Variants in LAMA3 observed in about 807,000 individuals in gnomAD.
The protein encoded by LAMA3 is laminin subunit alpha 3, also known as laminin subunit alpha-3.
A neutral mutation model predicts 402.0 loss-of-function variants in LAMA3; 281 were observed. The ratio of observed to expected loss-of-function variants is 0.70; its 90% confidence interval spans 0.63 to 0.77. LAMA3 has a LOEUF of 0.77. Among genes scored for constraint, LAMA3 ranks in the 30% least tolerant of loss-of-function variants. The pLI, the probability that LAMA3 is intolerant of heterozygous loss-of-function variation, is 0.00. For synonymous variants in LAMA3, 1,431 were observed against 1,558.4 expected (o/e 0.92, Z 1.93); for missense variants, 3,840 against 4,215.5 (o/e 0.91, Z 2.47).
intron 7 of LAMA3, among the ~76,000 whole-genome samples, chr18:23,759,163 ACT>A (rs2061916705): frequency 6.6e-6 from 1 of 151,652 alleles, no homozygotes; most frequent in Non-Finnish European, 1.5e-5. Flanking sequence ...ACATAGTGAG[ACT>A]CTGTCTACAA....
chr18:23,736,944 C>T (rs1053617714), intron 2 of LAMA3, among the ~76,000 whole-genome samples: 22 of 152,144 alleles, frequency 1.4e-4, no homozygotes, highest in Non-Finnish European at 4.4e-5. Context: ...CCTCTTAAGA[C>T]CCAGACTGCA....
chr18:23,792,072 G>GA (rs1484010570), intron 12 of LAMA3, among the ~76,000 whole-genome samples: 2 of 152,130 alleles, frequency 1.3e-5, no homozygotes, highest in Non-Finnish European at 2.9e-5. Context: ...AAAGGATTAT[G>GA]AAAATGTTAG....
intron 6 of LAMA3, among the ~76,000 whole-genome samples, chr18:23,754,930 T>A (rs551858262): frequency 2.4e-4 from 36 of 152,372 alleles, no homozygotes; most frequent in Non-Finnish European, 4.0e-4. Context: ...AATTGCTAGT[T>A]CTCAAGGTCT....
chr18:23,697,348 A>G (rs1369718459), intron 1 of LAMA3, among the ~76,000 whole-genome samples: 1 of 152,154 alleles, frequency 6.6e-6, no homozygotes. Context: ...CAGTGAATGC[A>G]TTGCAATTTT....
At chr18:23,753,930 G>A in intron 6 of LAMA3, 118 bp downstream of exon 6, 1 of 750,230 alleles carries the variant, frequency 1.3e-6, no homozygotes, top group Non-Finnish European at 2.4e-6. Flanking sequence ...AATGATTCAG[G>A]ATCAATGAAT....
chr18:23,894,630 G>T (rs1394212981), intron 43 of LAMA3, among the ~76,000 whole-genome samples: 1 of 152,158 alleles, frequency 6.6e-6, no homozygotes, highest in African/African-American at 2.4e-5. Context: ...CACAATGCCT[G>T]GTAAATTGCA....
intron 68 of LAMA3, among the ~76,000 whole-genome samples, chr18:23,940,939 C>CTTT (rs370811901): frequency 6.0e-5 from 8 of 133,248 alleles, no homozygotes; most frequent in South Asian, 4.8e-4. Flanking sequence ...TCTTTCTTTT[C>CTTT]TTTTTTTTTT....
intron 23 of LAMA3, among the ~76,000 whole-genome samples, chr18:23,832,319 G>A (rs1354740891): frequency 1.3e-5 from 2 of 152,130 alleles, no homozygotes; most frequent in Non-Finnish European, 2.9e-5. Context: ...CTAGAACATG[G>A]AGTCAACATT....
intron 8 of LAMA3, among the ~76,000 whole-genome samples, chr18:23,772,832 C>T (rs2062230766): frequency 6.6e-6 from 1 of 152,156 alleles, no homozygotes; most frequent in Non-Finnish European, 1.5e-5. Flanking sequence ...CAGAAATGAG[C>T]TAGATCCATA....
intron 1 of LAMA3, among the ~76,000 whole-genome samples, chr18:23,712,405 A>G (rs2061009870): frequency 6.6e-6 from 1 of 151,096 alleles, no homozygotes; most frequent in Non-Finnish European, 1.5e-5. Flanking sequence ...AAAGTTATTC[A>G]TTAAGCACCA....
At chr18:23,779,287 G>T (rs1374979384) in intron 11 of LAMA3, among the ~76,000 whole-genome samples, 1 of 152,146 alleles carries the variant, frequency 6.6e-6, no homozygotes, top group African/African-American at 2.4e-5. Context: ...CAGGAGAAGA[G>T]AAGAGAAGAG....
At chr18:23,934,327 G>A (rs1233612825) in intron 67 of LAMA3, among the ~76,000 whole-genome samples, 2 of 152,134 alleles carry the variant, frequency 1.3e-5, no homozygotes, top group Non-Finnish European at 2.9e-5. Flanking sequence ...GACAAGATAC[G>A]TGGTGTACCC....
At position 23,937,371 on chromosome 18, in the gene LAMA3, CAAAAAAAAAAAAAA is replaced by C. The variant is rs58274189; in HGVS notation, c.8863-1838_8863-1825del. ...ACAGAGTGAGACTCCTTCTCAAAAG[CAAAAAAAAAAAAAA>C]AAAAAAAAAAAAAGAGGGCTGACTT... On this transcript the variant is annotated intron_variant, in intron 67 of 74. Coordinates refer to ENST00000313654, the MANE Select transcript of LAMA3 (RefSeq NM_198129.4). Among the ~76,000 whole-genome samples, 849 of 92,952 alleles carry C rather than the reference CAAAAAAAAAAAAAA, an allele frequency of 9.1e-3. 11 individuals are homozygous for C. Among genetic ancestry groups the C allele is most frequent in the African/African-American group, 0.038 (759 of 19,762 alleles). 61.0% of individuals were successfully genotyped at this position (92,952 alleles called of 152,430 possible). A position where few individuals can be genotyped will look rare whatever the true frequency, so the allele number is the denominator to read the frequency against.
intron 39 of LAMA3, among the ~76,000 whole-genome samples, chr18:23,881,677 A>G (rs971843288): frequency 2.6e-5 from 4 of 152,192 alleles, no homozygotes; most frequent in Non-Finnish European, 5.9e-5. Flanking sequence ...CTGGAGTGGG[A>G]TGGGGACTCA....
In LAMA3 at chr18:23,698,839, C is replaced by T. The variant is rs191740436; in HGVS notation, c.294+8862C>T. ...GTTACAAGGCAGAAAAGACCCCTGTCCTCACTGAGCTAACCTCCCATGGGG... is the reference window on the plus strand; with the variant it reads ...GTTACAAGGCAGAAAAGACCCCTGTTCTCACTGAGCTAACCTCCCATGGGG... On this transcript the variant is annotated intron_variant, in intron 1 of 74. Transcript: ENST00000313654. Among the ~76,000 whole-genome samples the T allele has an allele frequency of 9.5e-4, 144 of 152,306 alleles. 1 individual carries two copies. The highest frequency in any genetic ancestry group is 3.3e-3 in the African/African-American group (137 of 41,558).
intron 2 of LAMA3, 87 bp downstream of exon 2, chr18:23,714,159 A>AAAAC (rs1252098537): frequency 7.5e-7 from 1 of 1,327,750 alleles, no homozygotes; most frequent in African/African-American, 1.5e-5. Flanking sequence ...ATTGTAAAAA[A>AAAAC]AAAACAAACT....
intron 55 of LAMA3, among the ~76,000 whole-genome samples, chr18:23,912,489 C>T (rs1443161609): frequency 6.6e-6 from 1 of 152,054 alleles, no homozygotes; most frequent in Non-Finnish European, 1.5e-5. Context: ...TAATAAGAAA[C>T]ACAAATGCCT....
chr18:23,858,072 G>T, intron 33 of LAMA3, 84 bp downstream of exon 33: 1 of 1,508,894 alleles, frequency 6.6e-7, no homozygotes, highest in South Asian at 1.1e-5. Flanking sequence ...AAAAGTATGT[G>T]GGAAATGGGA....
At chr18:23,819,351 CAT>C (rs1302457709) in intron 18 of LAMA3, among the ~76,000 whole-genome samples, 1 of 152,190 alleles carries the variant, frequency 6.6e-6, no homozygotes, top group African/African-American at 2.4e-5. Context: ...TAAAAAATAA[CAT>C]ATCAAGAAAA....
Sources: gnomAD v4.1 joint callset for allele counts (sites outside exome capture counted in the v4.1 genomes callset) on GRCh38, gnomAD v4.1.1 for gene constraint, MANE v1.5 for transcripts, NCBI Gene and HGNC (gene_info 2026-07-23, HGNC 2026-07-21) for gene names.